Variants in USH2A observed in about 807,000 individuals in gnomAD.
The protein encoded by USH2A is usherin.
In USH2A, 443 loss-of-function variants were observed where a neutral mutation model predicts 538.9. The observed-to-expected ratio is 0.82, with a 90% CI of 0.76 to 0.89. The LOEUF (loss-of-function observed/expected upper bound fraction) is 0.89, where lower values mean the gene tolerates loss of function less well. Among genes scored for constraint, USH2A ranks in the 40% least tolerant of loss-of-function variants. The probability of loss-of-function intolerance (pLI) is 0.00; values close to 1 mark genes in which losing one functional copy is unlikely to be tolerated. For synonymous variants in USH2A, 2,413 were observed against 2,273.5 expected, an observed-to-expected ratio of 1.06 and a Z score of -1.75; for missense variants, 6,633 against 6,324.8, an observed-to-expected ratio of 1.05 and a Z score of -1.65.
chr1:216,220,688 T>C (rs1195723011), intron 14 of USH2A, among the ~76,000 whole-genome samples: 1 of 151,924 alleles, frequency 6.6e-6, no homozygotes, highest in Non-Finnish European at 1.5e-5. Flanking sequence ...TGGTGATAGA[T>C]AAACCTGGAA....
chr1:215,759,425 T>C (rs1660912527), intron 57 of USH2A, among the ~76,000 whole-genome samples: 1 of 152,110 alleles, frequency 6.6e-6, no homozygotes, highest in African/African-American at 2.4e-5. Context: ...ATTTTGTATA[T>C]TTAAAAATTC....
At chr1:216,148,886 C>T (rs2033770479) in intron 21 of USH2A, among the ~76,000 whole-genome samples, 1 of 151,902 alleles carries the variant, frequency 6.6e-6, no homozygotes, top group African/African-American at 2.4e-5. Flanking sequence ...TCAAGCTCAG[C>T]AAATTACCTA....
At chr1:216,381,661 T>C (rs568557252) in intron 3 of USH2A, among the ~76,000 whole-genome samples, 1 of 152,340 alleles carries the variant, frequency 6.6e-6, no homozygotes, top group Non-Finnish European at 1.5e-5. Flanking sequence ...ATTGTTCCTC[T>C]AATCTCCAAA....
chr1:216,265,403 T>C (rs1211477967), intron 11 of USH2A, among the ~76,000 whole-genome samples: 6 of 152,048 alleles, frequency 3.9e-5, no homozygotes, highest in Admixed American at 6.6e-5. Flanking sequence ...GGTAGGAATG[T>C]AAATTAGCAT....
intron 32 of USH2A, among the ~76,000 whole-genome samples, chr1:216,035,520 G>A (rs1406926270): frequency 6.6e-6 from 1 of 152,124 alleles, no homozygotes; most frequent in East Asian, 1.9e-4. Flanking sequence ...AGAAGTGTGA[G>A]ACAGTCAATT....
At chr1:215,709,849 G>GTTACACTGT (rs1423390141) in intron 61 of USH2A, among the ~76,000 whole-genome samples, 1 of 152,118 alleles carries the variant, frequency 6.6e-6, no homozygotes, top group African/African-American at 2.4e-5. Context: ...ATTTTAACCA[G>GTTACACTGT]TTACACTGTT....
At chr1:216,040,102 A>T (rs1452312882) in intron 32 of USH2A, among the ~76,000 whole-genome samples, 1 of 150,734 alleles carries the variant, frequency 6.6e-6, no homozygotes, top group Non-Finnish European at 1.5e-5. Flanking sequence ...CACACTCATT[A>T]CATTGCTATT....
At chr1:215,966,501 C>T (rs762766494) in intron 36 of USH2A, among the ~76,000 whole-genome samples, 6 of 152,050 alleles carry the variant, frequency 3.9e-5, no homozygotes, top group Admixed American at 3.3e-4. Flanking sequence ...AATTAGAAAA[C>T]CTTTATTTGT....
chr1:215,990,575 G>A (rs1157926921), intron 35 of USH2A, among the ~76,000 whole-genome samples: 2 of 152,096 alleles, frequency 1.3e-5, no homozygotes, highest in Non-Finnish European at 2.9e-5. Context: ...CAGGCTGAAT[G>A]AAGTTCCATT....
chr1:216,196,495 A>T, intron 19 of USH2A, 58 bp downstream of exon 19: 1 of 1,599,836 alleles, frequency 6.3e-7, no homozygotes, highest in Non-Finnish European at 8.6e-7. Context: ...AACTCAAAAA[A>T]TGTCCAAATG....
rs189128767 is a variant in USH2A, at chr1:215,883,712, G to A, written c.8224-4614C>T. Among the ~76,000 whole-genome samples the A allele has an allele frequency of 6.1e-3, 927 of 152,006 alleles. 21 individuals are homozygous for A. Among genetic ancestry groups the A allele is most frequent in the Non-Finnish European group, 5.1e-3 (347 of 67,972 alleles). On this transcript the variant is annotated intron_variant, in intron 41 of 71. Coordinates refer to ENST00000307340, the MANE Select transcript of USH2A (RefSeq NM_206933.4). Reference sequence around the variant, plus strand: ...CAATAAGTCATTTCAACAAATACTCGTTATCTATACCTAAACTCTCTAGTT... The same window carrying A: ...CAATAAGTCATTTCAACAAATACTCATTATCTATACCTAAACTCTCTAGTT...
intron 62 of USH2A, among the ~76,000 whole-genome samples, chr1:215,679,076 T>G (rs926561392): frequency 1.3e-5 from 2 of 152,196 alleles, no homozygotes; most frequent in African/African-American, 4.8e-5. Context: ...TCTGTCCACA[T>G]GTAGGCAGGC....
intron 28 of USH2A, 32 bp downstream of exon 28, chr1:216,073,065 G>T: frequency 6.2e-7 from 1 of 1,613,476 alleles, no homozygotes; most frequent in Non-Finnish European, 8.5e-7. Context: ...TAAGAGACAT[G>T]TAACATTTAA....
chr1:216,380,925 T>G (rs1261954143), intron 3 of USH2A, among the ~76,000 whole-genome samples: 1 of 152,124 alleles, frequency 6.6e-6, no homozygotes, highest in Middle Eastern at 3.2e-3. Flanking sequence ...ATGTAAGAGA[T>G]ATTTTGCTCT....
rs879066075 is a variant in USH2A, at chr1:216,231,900, A to T, written c.2993+53T>A. ...TTATTGCTTTGCAACTGCCAAAAAA[A>T]GTTAACTGTTGCTAAAGAAAGAGTT... On this transcript the variant is annotated intron_variant, in intron 14 of 71. Coordinates refer to ENST00000307340, the MANE Select transcript of USH2A (RefSeq NM_206933.4). 13 of 1,610,762 alleles carry T rather than the reference A, an allele frequency of 8.1e-6. No homozygotes were observed. In the East Asian group the frequency reaches 2.7e-4, roughly 33 times the overall value.
intron 35 of USH2A, among the ~76,000 whole-genome samples, chr1:215,981,730 C>T (rs965837126): frequency 9.9e-5 from 15 of 152,280 alleles, no homozygotes; most frequent in African/African-American, 3.6e-4. Context: ...TTATTGTCAA[C>T]ATCTTTTATA....
At position 215,909,435 on chromosome 1, in the gene USH2A, T is replaced by C. The variant is rs543267866; in HGVS notation, c.7301-8530A>G. On this transcript the variant is annotated intron_variant, in intron 38 of 71. Transcript: ENST00000307340. ...AACACCAAGAGCGAATCTTAGTGTA[T>C]ACTATGGACTTTGGGTAATAAAAAC... Among the ~76,000 whole-genome samples the C allele has an allele frequency of 7.2e-5, 11 of 152,012 alleles. No homozygotes were observed. The East Asian group carries it at 1.9e-3, about 27-fold the overall frequency.
At chr1:216,092,541 G>GA (rs1278898915) in intron 22 of USH2A, among the ~76,000 whole-genome samples, 1 of 152,104 alleles carries the variant, frequency 6.6e-6, no homozygotes, top group Non-Finnish European at 1.5e-5. Context: ...TATTACTTTG[G>GA]AAAAAGAGAG....
rs1664870487 is a variant in USH2A, at chr1:215,880,163, G to A, written c.8224-1065C>T. Among the ~76,000 whole-genome samples, 3 of 152,104 alleles carry A rather than the reference G, an allele frequency of 2.0e-5. No individual in the cohort carries two copies. In the South Asian group the frequency reaches 6.2e-4, roughly 32 times the overall value. On this transcript the variant is annotated intron_variant, in intron 41 of 71. Transcript: ENST00000307340. ...TTTCTACAAGGTGACATATTTATAT[G>A]TACATTTGTACCCCTATGCAAACCA... is the stretch of plus-strand genomic sequence containing the variant.
Sources: gnomAD v4.1 joint callset for allele counts (sites outside exome capture counted in the v4.1 genomes callset) on GRCh38, gnomAD v4.1.1 for gene constraint, MANE v1.5 for transcripts, NCBI Gene and HGNC (gene_info 2026-07-23, HGNC 2026-07-21) for gene names.